Variants in GLB1 observed in about 807,000 individuals in gnomAD.
GLB1 encodes beta-galactosidase.
Under a neutral mutation model 74.0 loss-of-function variants are expected in GLB1, and 56 were observed. That is an observed-to-expected ratio of 0.76 (90% CI 0.61 to 0.94). The LOEUF is 0.94. Ranked by LOEUF, GLB1 falls within the 40% of genes least tolerant of loss-of-function variation. The pLI is 0.00. For missense variants in GLB1, 787 were observed against 845.5 expected (o/e 0.93, Z 0.86); for synonymous variants, 323 against 323.6 (o/e 1.00, Z 0.02).
the GLB1 span, among the ~76,000 whole-genome samples, chr3:32,970,458 A>G: frequency 6.6e-6 from 1 of 152,208 alleles, no homozygotes; most frequent in East Asian, 1.9e-4. Context: ...TGCAGGCTTT[A>G]AGCATGGCCA....
chr3:33,018,392 G>A, intron 13 of GLB1, 56 bp downstream of exon 13: 3 of 1,529,372 alleles, frequency 2.0e-6, no homozygotes, highest in Non-Finnish European at 2.7e-6. Flanking sequence ...ACAAGTGCAG[G>A]CTGCTCATCC....
the GLB1 span, among the ~76,000 whole-genome samples, chr3:32,969,939 G>A: frequency 6.6e-6 from 1 of 152,230 alleles, no homozygotes; most frequent in Non-Finnish European, 1.5e-5. Context: ...GTGAAAAACT[G>A]CTTATGGACT....
intron 5 of GLB1, among the ~76,000 whole-genome samples, chr3:33,062,767 CAGAGAG>C (rs55900859): frequency 9.8e-4 from 149 of 152,184 alleles, no homozygotes; most frequent in Middle Eastern, 3.4e-3. Context: ...AGCCTGGTGA[CAGAGAG>C]AGACTCTGTC....
At chr3:33,074,389 G>GAAGAAAGAAAGAAAAAAAGAAAGAAAGA (rs1559412995) in intron 1 of GLB1, among the ~76,000 whole-genome samples, 1 of 38,914 alleles carries the variant, frequency 2.6e-5, no homozygotes, top group Non-Finnish European at 4.7e-5. Context: ...AGGAAGGAAG[G>GAAGAAAGAAAGAAAAAAAGAAAGAAAGA]AAGAAAGAAA....
chr3:32,972,007 A>G, the GLB1 span, among the ~76,000 whole-genome samples: 3 of 152,214 alleles, frequency 2.0e-5, no homozygotes, highest in Admixed American at 6.5e-5. Context: ...TAAAACTAGA[A>G]GAAGCATAAT....
intron 1 of GLB1, among the ~76,000 whole-genome samples, chr3:33,094,692 A>G (rs1367467473): frequency 6.6e-6 from 1 of 151,386 alleles, no homozygotes; most frequent in Non-Finnish European, 1.5e-5. Context: ...GAGGGGGTGG[A>G]GTCTTCCAGA....
chr3:32,969,199 G>A, the GLB1 span, among the ~76,000 whole-genome samples: 1 of 152,172 alleles, frequency 6.6e-6, no homozygotes, highest in African/African-American at 2.4e-5. Flanking sequence ...AGTAGCAGAG[G>A]TGCAGTCTTT....
At chr3:33,038,657 C>T (rs1329642815) in intron 10 of GLB1, among the ~76,000 whole-genome samples, 2 of 152,178 alleles carry the variant, frequency 1.3e-5, no homozygotes, top group Non-Finnish European at 2.9e-5. Flanking sequence ...TTCTGGGAGT[C>T]TTCTAGGGCT....
chr3:33,006,975 C>T (rs1051614319), intron 15 of GLB1, among the ~76,000 whole-genome samples: 1 of 152,212 alleles, frequency 6.6e-6, no homozygotes, highest in Admixed American at 6.5e-5. Flanking sequence ...TGCTAACGTG[C>T]TCATTCTTTC....
In GLB1 at chr3:32,997,128, C is replaced by G. The variant is rs774771223; in HGVS notation, c.1951G>C (p.Asp651His). 1.9e-6 allele frequency: 3 copies of G among 1,614,056 alleles called. No homozygotes were observed. The highest frequency in any genetic ancestry group is 2.5e-6 in the Non-Finnish European group (3 of 1,180,030). The part of the protein sequence containing the change: ...RPVIGSSVTY[D>H]HPSKPVEKRL... ...TTTTCAACAGGTTTGGAGGGATGAT[C>G]GTAGGTCACAGATGAGCCAATAACT... Residue 651 changes from aspartate (D) to histidine (H), a missense_variant, in exon 16 of 16, where the codon GAT becomes CAT. Physicochemically the swap from Asp to His is moderately conservative, Grantham distance 81 (BLOSUM62 -1). Transcript: ENST00000307363.
intron 10 of GLB1, among the ~76,000 whole-genome samples, chr3:33,027,778 T>C (rs1697832954): frequency 6.6e-6 from 1 of 152,086 alleles, no homozygotes; most frequent in Non-Finnish European, 1.5e-5. Context: ...TGAGATTCTA[T>C]CTCAAAAAAT....
intron 15 of GLB1, among the ~76,000 whole-genome samples, chr3:33,012,676 C>T (rs1236467381): frequency 1.3e-5 from 2 of 152,170 alleles, no homozygotes; most frequent in African/African-American, 4.8e-5. Context: ...AATTCAAACT[C>T]ATGACCCCCC....
intron 1 of GLB1, chr3:33,077,468 C>T: frequency 1.3e-6 from 1 of 758,804 alleles, no homozygotes; most frequent in East Asian, 3.4e-5. Flanking sequence ...TATGTTCCAA[C>T]AGCAGTCAGG....
chr3:32,975,630 C>T, the GLB1 span, among the ~76,000 whole-genome samples: 1 of 152,086 alleles, frequency 6.6e-6, no homozygotes, highest in Non-Finnish European at 1.5e-5. Context: ...AGAGAAAGAG[C>T]AACAAATATT....
the GLB1 span, among the ~76,000 whole-genome samples, chr3:32,967,905 G>A: frequency 3.9e-5 from 6 of 152,264 alleles, no homozygotes; most frequent in East Asian, 1.9e-4. Context: ...CAGGAACCAC[G>A]GTAAGGAGCA....
rs564029571 is a variant in GLB1 at position 33,025,776 on chromosome 3, C to T, written c.1069-1451G>A. Among the ~76,000 whole-genome samples, 53 of 152,274 alleles carry T rather than the reference C, an allele frequency of 3.5e-4. 1 individual carries two copies. The highest frequency in any genetic ancestry group is 2.7e-3 in the Admixed American group (41 of 15,306). ...GGAGCAGCTGCAGGGCCAGTAGTGG[C>T]GGCGGAGAGGACCCCTGTGCCCCAT... On this transcript the variant is annotated intron_variant, in intron 10 of 15. Transcript: ENST00000307363.
downstream of GLB1, among the ~76,000 whole-genome samples, chr3:32,994,920 CAAAAAAAAAAA>C (rs56169200): frequency 3.5e-5 from 4 of 115,768 alleles, no homozygotes; most frequent in East Asian, 2.3e-4. Context: ...GACTCTGTTT[CAAAAAAAAAAA>C]AAAAAAAAAA....
intron 6 of GLB1, 129 bp from the exon 7 acceptor site, chr3:33,053,678 C>A (rs1223549962): frequency 2.4e-6 from 3 of 1,267,928 alleles, no homozygotes; most frequent in Middle Eastern, 2.0e-4. Flanking sequence ...CCCCAAAATT[C>A]TCATGTTGGA....
chr3:33,070,972 C>T (rs562316372), intron 2 of GLB1, among the ~76,000 whole-genome samples: 19 of 152,104 alleles, frequency 1.2e-4, no homozygotes, highest in South Asian at 6.2e-4. Flanking sequence ...ATTTTTAGTA[C>T]GTGTAGGAAA....
Sources: gnomAD v4.1 joint callset for allele counts (sites outside exome capture counted in the v4.1 genomes callset) on GRCh38, gnomAD v4.1.1 for gene constraint, MANE v1.5 for transcripts, NCBI Gene and HGNC (gene_info 2026-07-23, HGNC 2026-07-21) for gene names.